The following IRGM variants were observed in gnomAD, a reference collection of about 807,000 sequenced individuals.
IRGM encodes the protein immunity related GTPase M, also known as immunity-related GTPase family M protein.
For missense variants in IRGM, 288 were observed against 219.9 expected, an observed-to-expected ratio of 1.31 and a Z score of -1.96; for synonymous variants, 98 against 80.6, an observed-to-expected ratio of 1.22 and a Z score of -1.16.
chr5:150,849,581 T>C (rs1247234659), downstream of IRGM, among the ~76,000 whole-genome samples: 2 of 151,112 alleles, frequency 1.3e-5, no homozygotes, highest in Non-Finnish European at 2.9e-5. Flanking sequence ...ACCATATATA[T>C]GGGTGTAATT....
At chr5:150,902,227 C>T, downstream of IRGM, among the ~76,000 whole-genome samples, 1 of 152,086 alleles carries the variant, frequency 6.6e-6, no homozygotes, top group Non-Finnish European at 1.5e-5. Context: ...AAAGAAGGAA[C>T]AGCCTTGAAC....
chr5:150,880,345 G>A (rs1754426429), intron 3 of IRGM, among the ~76,000 whole-genome samples: 1 of 152,100 alleles, frequency 6.6e-6, no homozygotes, highest in Non-Finnish European at 1.5e-5. Flanking sequence ...AAACTCATAA[G>A]GCACCTGAAA....
chr5:150,862,482 A>G (rs1754150341), intron 1 of IRGM, among the ~76,000 whole-genome samples: 1 of 152,208 alleles, frequency 6.6e-6, no homozygotes, highest in African/African-American at 2.4e-5. Flanking sequence ...TGTTTACATC[A>G]TACATTTCAG....
chr5:150,847,507 C>A (rs1224735002), intron 1 of IRGM: 1 of 152,652 alleles, frequency 6.6e-6, no homozygotes, highest in African/African-American at 2.4e-5. Flanking sequence ...CTCGGAGGCA[C>A]AACCGGCCTC....
intron 1 of IRGM, among the ~76,000 whole-genome samples, chr5:150,871,999 C>T (rs538993969): frequency 3.2e-4 from 49 of 152,266 alleles, no homozygotes; most frequent in South Asian, 2.7e-3. Context: ...CATTTTTAAT[C>T]TCCCTCTAGC....
At chr5:150,850,903 A>C (rs1753965957), downstream of IRGM, among the ~76,000 whole-genome samples, 1 of 152,172 alleles carries the variant, frequency 6.6e-6, no homozygotes, top group African/African-American at 2.4e-5. Flanking sequence ...TCTTGTACAG[A>C]GATATCTGAG....
chr5:150,895,543 A>C, intron 3 of IRGM: 1 of 1,613,400 alleles, frequency 6.2e-7, no homozygotes, highest in Non-Finnish European at 8.5e-7. Context: ...CTCTGATGTA[A>C]AACAAGGTCT....
rs367939429 is a variant in IRGM, at chr5:150,888,163, A to AAAAC, written c.*140+8530_*140+8533dup. ...TTGCAATTCTGATTTCAGACAAGAA[A>AAAAC]AAACAAACAAACAAACGAAAAACAG... On this transcript the variant is annotated intron_variant and NMD_transcript_variant, in intron 3 of 3. Coordinates refer to the IRGM transcript ENST00000520549. Among the ~76,000 whole-genome samples, 7 of 152,230 alleles carry AAAAC rather than the reference A, an allele frequency of 4.6e-5. No homozygotes were observed. In the East Asian group the frequency reaches 1.2e-3, roughly 25 times the overall value.
intron 3 of IRGM, among the ~76,000 whole-genome samples, chr5:150,883,276 T>C (rs1754471560): frequency 6.6e-6 from 1 of 151,754 alleles, no homozygotes; most frequent in African/African-American, 2.4e-5. Flanking sequence ...AAAAGAAAAG[T>C]TTATAGCAAT....
At chr5:150,880,346 G>A (rs892152247) in intron 3 of IRGM, among the ~76,000 whole-genome samples, 1 of 152,058 alleles carries the variant, frequency 6.6e-6, no homozygotes, top group Non-Finnish European at 1.5e-5. Context: ...AACTCATAAG[G>A]CACCTGAAAA....
chr5:150,891,912 CA>C (rs1340236925), intron 3 of IRGM, among the ~76,000 whole-genome samples: 1 of 151,704 alleles, frequency 6.6e-6, no homozygotes, highest in African/African-American at 2.4e-5. Flanking sequence ...GGCAAACTAG[CA>C]AAAAAAGAGT....
chr5:150,861,898 T>A (rs553702087), intron 1 of IRGM, among the ~76,000 whole-genome samples: 1 of 152,364 alleles, frequency 6.6e-6, no homozygotes, highest in East Asian at 1.9e-4. Flanking sequence ...TATGGATTAT[T>A]AACTATTGCT....
At chr5:150,897,009 C>A in intron 3 of IRGM, 1 of 1,517,828 alleles carries the variant, frequency 6.6e-7, no homozygotes, top group Non-Finnish European at 8.9e-7. Context: ...AGAGTCATCA[C>A]AAGAGTCAAT....
chr5:150,898,080 G>A (rs1422973394), intron 3 of IRGM: 5 of 1,610,644 alleles, frequency 3.1e-6, no homozygotes, highest in Non-Finnish European at 8.5e-7. Context: ...CCATCTGCCT[G>A]ATATTCATCT....
chr5:150,868,347 C>G (rs571805373), intron 1 of IRGM, among the ~76,000 whole-genome samples: 2 of 152,126 alleles, frequency 1.3e-5, no homozygotes, highest in South Asian at 4.1e-4. Context: ...ATTTTTATAC[C>G]AGTGCCATGC....
At chr5:150,862,586 A>G (rs540187058) in intron 1 of IRGM, among the ~76,000 whole-genome samples, 1 of 152,300 alleles carries the variant, frequency 6.6e-6, no homozygotes. Context: ...CTGATCTGCC[A>G]CCTTCTCTTT....
intron 3 of IRGM, among the ~76,000 whole-genome samples, chr5:150,892,753 CTACAA>C (rs1287220956): frequency 1.3e-5 from 2 of 151,994 alleles, no homozygotes; most frequent in Admixed American, 1.3e-4. Flanking sequence ...TTTTTTCAAT[CTACAA>C]TACATTTTTT....
At chr5:150,887,236 T>A (rs567815182) in intron 3 of IRGM, among the ~76,000 whole-genome samples, 1 of 152,010 alleles carries the variant, frequency 6.6e-6, no homozygotes, top group South Asian at 2.1e-4. Flanking sequence ...ATAGCTGGTA[T>A]AAAACAACTT....
At chr5:150,876,315 C>G (rs1426616933) in intron 1 of IRGM, among the ~76,000 whole-genome samples, 2 of 152,200 alleles carry the variant, frequency 1.3e-5, no homozygotes, top group Non-Finnish European at 2.9e-5. Flanking sequence ...GCACCACTCT[C>G]CATCACCTCT....
Sources: allele counts gnomAD v4.1 joint callset (sites outside exome capture counted in the v4.1 genomes callset), GRCh38; gene constraint gnomAD v4.1.1; transcripts MANE v1.5; gene names NCBI Gene and HGNC (gene_info 2026-07-23, HGNC 2026-07-21).